SLC22A25: variants seen among roughly 807,000 people sequenced by gnomAD.
The protein encoded by SLC22A25 is solute carrier family 22 member 25.
SLC22A25 carries 44 observed loss-of-function variants against 45.9 expected under a neutral mutation model. That is an observed-to-expected ratio of 0.96 (90% CI 0.75 to 1.23). The LOEUF is 1.23. Ranked by LOEUF, SLC22A25 falls within the 50% of genes most tolerant of loss-of-function variation. The probability of loss-of-function intolerance (pLI) is 0.00; values close to 1 mark genes in which losing one functional copy is unlikely to be tolerated. For synonymous variants in SLC22A25, 283 were observed against 238.6 expected, an observed-to-expected ratio of 1.19 and a Z score of -1.72; for missense variants, 800 against 666.4, an observed-to-expected ratio of 1.20 and a Z score of -2.21.
rs1590841722 is a variant in SLC22A25 at position 63,195,814 on chromosome 11, G to A, written c.831-11997C>T. Among the ~76,000 whole-genome samples the A allele has an allele frequency of 2.6e-5, 4 of 152,132 alleles. No homozygotes were observed. The South Asian group carries it at 8.3e-4, about 32-fold the overall frequency. On this transcript the variant is annotated intron_variant, in intron 7 of 11. Transcript: ENST00000306494. ...CTCTAAAAAATTAATGAATCCAGGA[G>A]CTGGTTTTTTGAAAAGATCAACAAA...
intron 7 of SLC22A25, among the ~76,000 whole-genome samples, chr11:63,187,179 A>G (rs920477860): frequency 1.3e-5 from 2 of 152,202 alleles, no homozygotes; most frequent in African/African-American, 4.8e-5. Flanking sequence ...ACCCATGAGC[A>G]TGGAATGTTC....
chr11:63,208,740 G>T (rs2089476013), intron 7 of SLC22A25, among the ~76,000 whole-genome samples: 1 of 152,156 alleles, frequency 6.6e-6, no homozygotes, highest in Non-Finnish European at 1.5e-5. Context: ...AGCAGGGGCT[G>T]TGTGCTTGGA....
intron 7 of SLC22A25, among the ~76,000 whole-genome samples, chr11:63,197,239 C>T (rs1417446122): frequency 6.6e-6 from 1 of 151,972 alleles, no homozygotes; most frequent in East Asian, 1.9e-4. Flanking sequence ...TTTCTTCAAA[C>T]AATCAGAAGA....
intron 9 of SLC22A25, chr11:63,166,709 T>G: frequency 1.0e-6 from 1 of 997,118 alleles, no homozygotes; most frequent in East Asian, 1.1e-4. Flanking sequence ...TTTACTAAAA[T>G]GTACAACTTA....
rs1218963937 is a variant in SLC22A25, at chr11:63,162,034, C to A, written c.*1790G>T. On this transcript the variant is annotated 3_prime_UTR_variant, in exon 12 of 12. Coordinates refer to ENST00000306494, the MANE Select transcript of SLC22A25 (RefSeq NM_199352.6). ...CTCTGAGGATCAATGATGTTCAGCA[C>A]TTTTTCCTATGACTGTTTGACATCT... Among the ~76,000 whole-genome samples, 4 of 152,150 alleles carry A rather than the reference C, an allele frequency of 2.6e-5. No individual in the cohort carries two copies. Among genetic ancestry groups the A allele is most frequent in the Non-Finnish European group, 5.9e-5 (4 of 68,008 alleles).
chr11:63,235,019 A>C (rs1489861109), intron 3 of SLC22A25, among the ~76,000 whole-genome samples: 1 of 152,220 alleles, frequency 6.6e-6, no homozygotes, highest in African/African-American at 2.4e-5. Flanking sequence ...TGTTAGTCTA[A>C]TGGGCTTCCC....
chr11:63,166,696 A>G (rs2087696618), intron 9 of SLC22A25: 1 of 998,604 alleles, frequency 1.0e-6, no homozygotes, highest in Non-Finnish European at 1.2e-6. Flanking sequence ...ACAATCAGGA[A>G]TGTTTACTAA....
intron 9 of SLC22A25, 97 bp downstream of exon 9, chr11:63,180,563 C>T: frequency 1.2e-6 from 1 of 831,950 alleles, no homozygotes; most frequent in Non-Finnish European, 1.9e-6. Flanking sequence ...CTTTTATCCC[C>T]CAAATATTTT....
intron 7 of SLC22A25, among the ~76,000 whole-genome samples, chr11:63,196,199 T>C (rs1049308924): frequency 6.6e-6 from 1 of 152,194 alleles, no homozygotes; most frequent in Non-Finnish European, 1.5e-5. Context: ...TACCATTTCT[T>C]CTGAAACTAT....
rs555620106 is a variant in SLC22A25, at chr11:63,235,559, A to T, written c.-445+2322T>A. Among the ~76,000 whole-genome samples the T allele has an allele frequency of 3.9e-5, 6 of 152,170 alleles. No individual in the cohort carries two copies. The South Asian group carries it at 1.0e-3, about 26-fold the overall frequency. On this transcript the variant is annotated intron_variant, in intron 3 of 11. Transcript: ENST00000306494. The stretch of plus-strand genomic sequence containing the variant: ...TTATCCATTCATCTAATTTTTTTCA[A>T]AGTTTTTAACTTCTTTGCCATTGGT...
intron 7 of SLC22A25, among the ~76,000 whole-genome samples, chr11:63,207,800 C>T (rs187615242): frequency 9.9e-4 from 150 of 152,258 alleles, no homozygotes; most frequent in Non-Finnish European, 1.7e-3. Flanking sequence ...AAACTCAAGT[C>T]GTAAAACATG....
At chr11:63,226,187 T>C (rs917079521) in intron 5 of SLC22A25, among the ~76,000 whole-genome samples, 26 of 152,142 alleles carry the variant, frequency 1.7e-4, no homozygotes, top group Non-Finnish European at 3.2e-4. Context: ...TCCTAGATGG[T>C]CTTGATGTTT....
intron 3 of SLC22A25, among the ~76,000 whole-genome samples, chr11:63,237,303 T>A (rs564837909): frequency 1.3e-5 from 2 of 152,288 alleles, no homozygotes; most frequent in South Asian, 4.2e-4. Flanking sequence ...ACCCTCTGTA[T>A]ATAAAATATA....
chr11:63,164,621 C>T lies in SLC22A25; in HGVS notation c.1299G>A (p.Leu433=). ...IIFVPQEMQT[L]RVVLATLGVG... is the part of the protein sequence containing the mutation. ...CACCCAGGGTTGCCAAAACCACACGCAGGGTCTGCATTTCTGGAGAAAGGA... is the reference window on the plus strand; with the variant it reads ...CACCCAGGGTTGCCAAAACCACACGTAGGGTCTGCATTTCTGGAGAAAGGA... The change falls in exon 11 of 12, where the codon CTG becomes CTA. Residue 433 remains leucine, a synonymous_variant. Coordinates refer to ENST00000306494, the MANE Select transcript of SLC22A25 (RefSeq NM_199352.6). 1 of 1,613,702 alleles carries T rather than the reference C, an allele frequency of 6.2e-7. No homozygotes were observed. The highest frequency in any genetic ancestry group is 8.5e-7 in the Non-Finnish European group (1 of 1,179,732).
chr11:63,196,606 CAAAAT>C (rs1369923908), intron 7 of SLC22A25, among the ~76,000 whole-genome samples: 3 of 152,140 alleles, frequency 2.0e-5, no homozygotes. Flanking sequence ...GGCTGTATCT[CAAAAT>C]AATAAGAGCT....
rs768208681 is a variant in SLC22A25 at position 63,229,645 on chromosome 11, A to G, written c.8T>C (p.Phe3Ser). 6.2e-7 allele frequency: 1 copy of G among 1,600,830 alleles called. No homozygotes were observed. Among genetic ancestry groups the G allele is most frequent in the African/African-American group, 1.3e-5 (1 of 74,666 alleles). Residue 3 changes from phenylalanine to serine, a missense_variant, in exon 4 of 12, where the codon TTT (phenylalanine) becomes TCT (serine). Phe to Ser is a radical substitution (Grantham distance 155). Coordinates refer to ENST00000306494, the MANE Select transcript of SLC22A25 (RefSeq NM_199352.6). Reference sequence around the variant, plus strand: ...TCCAACTTGATCTAGGAGGTCCTGAAAGGCCATTGAGGCTGGACAAGTGAT... The same window carrying G: ...TCCAACTTGATCTAGGAGGTCCTGAGAGGCCATTGAGGCTGGACAAGTGAT... MA[F>S]QDLLDQVGGL...
At chr11:63,190,737 C>G (rs1424793712) in intron 7 of SLC22A25, among the ~76,000 whole-genome samples, 1 of 152,044 alleles carries the variant, frequency 6.6e-6, no homozygotes, top group Non-Finnish European at 1.5e-5. Context: ...TGTGGATGTC[C>G]TTTCTGTTTG....
chr11:63,203,159 C>G (rs770506733), intron 7 of SLC22A25, among the ~76,000 whole-genome samples: 12 of 152,122 alleles, frequency 7.9e-5, no homozygotes, highest in Non-Finnish European at 1.2e-4. Flanking sequence ...TGAAGGTCAC[C>G]GACATCAAAG....
At chr11:63,240,640 T>A (rs1288132463) in intron 1 of SLC22A25, among the ~76,000 whole-genome samples, 1 of 152,240 alleles carries the variant, frequency 6.6e-6, no homozygotes, top group Non-Finnish European at 1.5e-5. Context: ...CTATAAGCTT[T>A]TCTATTAAGT....
Sources: gnomAD v4.1 joint callset for allele counts (sites outside exome capture counted in the v4.1 genomes callset) on GRCh38, gnomAD v4.1.1 for gene constraint, MANE v1.5 for transcripts, NCBI Gene and HGNC (gene_info 2026-07-23, HGNC 2026-07-21) for gene names.